EIF3H: variants seen among roughly 807,000 people sequenced by gnomAD.
EIF3H encodes eukaryotic translation initiation factor 3 subunit H.
In EIF3H, 26 loss-of-function variants were observed where a neutral mutation model predicts 44.2. The ratio of observed to expected loss-of-function variants is 0.59; its 90% CI spans 0.43 to 0.82. The LOEUF is 0.82. Among genes scored for constraint, EIF3H ranks in the 40% least tolerant of loss-of-function variants. The pLI is 0.00. For missense variants in EIF3H, 359 were observed against 432.8 expected (o/e 0.83, Z 1.51); for synonymous variants, 166 against 151.9 (o/e 1.09, Z -0.68).
intron 5 of EIF3H, among the ~76,000 whole-genome samples, chr8:116,654,691 C>T (rs555581671): frequency 6.6e-6 from 1 of 152,258 alleles, no homozygotes; most frequent in South Asian, 2.1e-4. Flanking sequence ...AGCCTTGCAA[C>T]CTGGCTGTGT....
At position 116,689,389 on chromosome 8, in the gene EIF3H, C is replaced by CTATA. The variant is rs1362346694; in HGVS notation, c.290-30410_290-30409insTATA. 2.6e-5 allele frequency among the ~76,000 whole-genome samples: 4 copies of CTATA among 152,128 alleles called. No homozygotes were observed. In the East Asian group the frequency reaches 7.7e-4, roughly 29 times the overall value. On this transcript the variant is annotated intron_variant, in intron 2 of 7. Coordinates refer to ENST00000521861, the MANE Select transcript of EIF3H (RefSeq NM_003756.3). ...AAGCTACAGAATTGTACACTTTAAACGGGTGAACTATAGAGTATAATAATT... is the reference window on the plus strand; with the variant it reads ...AAGCTACAGAATTGTACACTTTAAACTATAGGGTGAACTATAGAGTATAATAATT...
intron 4 of EIF3H, 142 bp downstream of exon 4, chr8:116,657,073 C>T: frequency 1.4e-6 from 1 of 697,846 alleles, no homozygotes. Flanking sequence ...AGAGAGCAAG[C>T]AGCACTCGGC....
At chr8:116,663,844 T>C (rs188745847) in intron 2 of EIF3H, among the ~76,000 whole-genome samples, 5 of 151,596 alleles carry the variant, frequency 3.3e-5, no homozygotes, top group Non-Finnish European at 5.9e-5. Context: ...GGCGCAAGAA[T>C]TGTTTGAGCC....
At chr8:116,715,917 T>TA (rs1814652931) in intron 2 of EIF3H, among the ~76,000 whole-genome samples, 1 of 152,048 alleles carries the variant, frequency 6.6e-6, no homozygotes, top group Non-Finnish European at 1.5e-5. Flanking sequence ...AAAAAGCATA[T>TA]ATTCTCTAAT....
intron 2 of EIF3H, among the ~76,000 whole-genome samples, chr8:116,682,279 G>C (rs186782813): frequency 1.6e-3 from 248 of 152,322 alleles, no homozygotes; most frequent in African/African-American, 5.0e-3. Context: ...GCAATACATA[G>C]AGGTCAAAAG....
intron 2 of EIF3H, among the ~76,000 whole-genome samples, chr8:116,697,815 TG>T (rs1163754455): frequency 6.6e-6 from 1 of 152,258 alleles, no homozygotes; most frequent in African/African-American, 2.4e-5. Context: ...TCTTGAAATT[TG>T]ATGAGCATCT....
chr8:116,739,610 A>C (rs1327709734), intron 1 of EIF3H, among the ~76,000 whole-genome samples: 8 of 152,238 alleles, frequency 5.3e-5, no homozygotes, highest in Admixed American at 5.2e-4. Flanking sequence ...AGATGGTGCC[A>C]CTGCACTCCA....
At chr8:116,718,072 G>A (rs1000269649) in intron 2 of EIF3H, among the ~76,000 whole-genome samples, 9 of 151,784 alleles carry the variant, frequency 5.9e-5, no homozygotes, top group Non-Finnish European at 2.9e-5. Context: ...TCAAAAAGTG[G>A]GCTAAGGACA....
At chr8:116,762,365 C>G (rs1815526165) in intron 1 of EIF3H, among the ~76,000 whole-genome samples, 1 of 152,156 alleles carries the variant, frequency 6.6e-6, no homozygotes, top group African/African-American at 2.4e-5. Context: ...TTCACAGTTG[C>G]GAGCGATCCA....
chr8:116,695,834 A>G (rs1210002830), intron 2 of EIF3H, among the ~76,000 whole-genome samples: 2 of 152,224 alleles, frequency 1.3e-5, no homozygotes, highest in African/African-American at 2.4e-5. Context: ...AACCAAATAA[A>G]TAAATGTATT....
At chr8:116,671,441 T>C (rs891640220) in intron 2 of EIF3H, among the ~76,000 whole-genome samples, 1 of 152,250 alleles carries the variant, frequency 6.6e-6, no homozygotes, top group Non-Finnish European at 1.5e-5. Context: ...CCCTGAAGAA[T>C]ATACATCTTT....
chr8:116,713,204 A>T (rs1488864991), intron 2 of EIF3H, among the ~76,000 whole-genome samples: 21 of 152,168 alleles, frequency 1.4e-4, no homozygotes, highest in Admixed American at 1.4e-3. Context: ...TAGGAATTTT[A>T]AATACTATTT....
intron 1 of EIF3H, among the ~76,000 whole-genome samples, chr8:116,753,146 C>T (rs953041050): frequency 6.6e-6 from 1 of 151,972 alleles, no homozygotes; most frequent in African/African-American, 2.4e-5. Context: ...CTTGCAACTG[C>T]AATATAATCT....
chr8:116,681,718 G>A, intron 2 of EIF3H, among the ~76,000 whole-genome samples: 1 of 148,004 alleles, frequency 6.8e-6, no homozygotes, highest in East Asian at 2.0e-4. Context: ...TAAACGTTTA[G>A]AAAGAATTAT....
At chr8:116,680,891 C>T (rs1382664673) in intron 2 of EIF3H, among the ~76,000 whole-genome samples, 1 of 150,388 alleles carries the variant, frequency 6.6e-6, no homozygotes, top group Non-Finnish European at 1.5e-5. Flanking sequence ...CATGAAATTT[C>T]ATGTTTATTG....
chr8:116,755,577 A>G, intron 1 of EIF3H, 89 bp downstream of exon 1: 1 of 1,568,750 alleles, frequency 6.4e-7, no homozygotes, highest in Non-Finnish European at 8.7e-7. Context: ...ACCAAGCCCA[A>G]GGGGGAGAAT....
At chr8:116,694,987 T>G (rs1025318972) in intron 2 of EIF3H, among the ~76,000 whole-genome samples, 4 of 152,046 alleles carry the variant, frequency 2.6e-5, no homozygotes, top group African/African-American at 9.7e-5. Flanking sequence ...TCCTGCCCGC[T>G]GTCTTTAAAA....
chr8:116,662,201 T>C lies in EIF3H; in HGVS notation c.290-3221A>G, dbSNP rs191414499. ...ATGTATGTGTTGGGCCTAATCTATG[T>C]AAAGTGAAGGAGATTCTCTATCTTG... On this transcript the variant is annotated intron_variant, in intron 2 of 7. Transcript: ENST00000521861. Among the ~76,000 whole-genome samples, 58 of 152,338 alleles carry C rather than the reference T, an allele frequency of 3.8e-4. 1 individual carries two copies. Among genetic ancestry groups the C allele is most frequent in the African/African-American group, 1.3e-3 (56 of 41,570 alleles).
chr8:116,746,204 C>A (rs1563660718), intron 1 of EIF3H, among the ~76,000 whole-genome samples: 1 of 152,178 alleles, frequency 6.6e-6, no homozygotes, highest in Non-Finnish European at 1.5e-5. Context: ...TTTTCTCATA[C>A]ATTTTAAAGT....
Sources: gnomAD v4.1 joint callset for allele counts (sites outside exome capture counted in the v4.1 genomes callset) on GRCh38, gnomAD v4.1.1 for gene constraint, MANE v1.5 for transcripts, NCBI Gene and HGNC (gene_info 2026-07-23, HGNC 2026-07-21) for gene names.